TXNRD2: variants seen among roughly 807,000 people sequenced by gnomAD.
TXNRD2 encodes the protein thioredoxin reductase 2.
TXNRD2 carries 67 observed loss-of-function variants against 70.8 expected under a neutral mutation model. That is an observed-to-expected ratio of 0.95 (90% CI 0.78 to 1.16). The LOEUF is 1.16. TXNRD2 is among the 50% of genes most tolerant of loss of function. The pLI is 0.00. For synonymous variants in TXNRD2, 301 were observed against 295.8 expected (o/e 1.02, Z -0.18); for missense variants, 644 against 719.9 (o/e 0.89, Z 1.21).
chr22:19,916,129 T>C (rs1463594912), intron 5 of TXNRD2: 1 of 411,378 alleles, frequency 2.4e-6, no homozygotes, highest in Non-Finnish European at 4.6e-6. Context: ...ACAGCCCTGG[T>C]GTGCAGCAAG....
intron 5 of TXNRD2, chr22:19,916,123 C>T: frequency 2.4e-6 from 1 of 418,720 alleles, no homozygotes; most frequent in Non-Finnish European, 4.5e-6. Context: ...CCACGTACAG[C>T]CCTGGTGTGC....
At chr22:19,894,816 C>T (rs1231681376) in intron 11 of TXNRD2, 6 of 378,688 alleles carry the variant, frequency 1.6e-5, no homozygotes, top group Admixed American at 4.3e-5. Context: ...GGTGAAACCC[C>T]GTCTCTACTA....
intron 11 of TXNRD2, chr22:19,893,952 G>A (rs1046626416): frequency 4.6e-5 from 7 of 152,142 alleles, no homozygotes; most frequent in South Asian, 2.1e-4. Context: ...GAAAACAGGC[G>A]GCTTGTGCAC....
Position 19,899,149 on chromosome 22 carries a change from C to G in TXNRD2, c.663-81G>C. 3 of 1,583,928 alleles carry G rather than the reference C, an allele frequency of 1.9e-6. No homozygotes were observed. The South Asian group carries it at 3.3e-5, about 18-fold the overall frequency. On this transcript the variant is annotated intron_variant, in intron 8 of 17. Coordinates refer to ENST00000400521, the MANE Select transcript of TXNRD2 (RefSeq NM_006440.5). ...TGCAGTCAGAGCAGAACCCCGCAGC[C>G]TTTGCCCAGGCCCTTGGTCAGCTCG...
At chr22:19,920,833 C>A (rs11089320) in intron 2 of TXNRD2, among the ~76,000 whole-genome samples, 2 of 151,948 alleles carry the variant, frequency 1.3e-5, no homozygotes, top group South Asian at 2.1e-4. Context: ...CTGGGTGCAG[C>A]GGCTCATGCC....
intron 2 of TXNRD2, among the ~76,000 whole-genome samples, chr22:19,927,987 C>T (rs1356002205): frequency 1.3e-5 from 2 of 151,922 alleles, no homozygotes; most frequent in East Asian, 3.9e-4. Flanking sequence ...AAACCACAGG[C>T]CAGGCACCGT....
rs1024977850 is a variant in TXNRD2, at chr22:19,883,265, C to T, written c.1086+60G>A. The T allele has an allele frequency of 4.8e-5, 76 of 1,592,378 alleles. No individual in the cohort carries two copies. In the East Asian group the frequency reaches 6.3e-4, roughly 13 times the overall value. ...CAGGACGGCAGCAGCCGGAGCCCAGCGAGCAGGGGTGGTGGAGCAGGCAGG... is the reference window on the plus strand; with the variant it reads ...CAGGACGGCAGCAGCCGGAGCCCAGTGAGCAGGGGTGGTGGAGCAGGCAGG... On this transcript the variant is annotated intron_variant, in intron 12 of 17. Transcript: ENST00000400521.
intron 2 of TXNRD2, 86 bp from the exon 3 acceptor site, chr22:19,919,685 A>C: frequency 3.2e-6 from 4 of 1,257,258 alleles, no homozygotes; most frequent in Non-Finnish European, 4.4e-6. Flanking sequence ...TGTGAGGTCC[A>C]GAAGAGTGTG....
chr22:19,922,847 C>T (rs1418196056), intron 2 of TXNRD2, among the ~76,000 whole-genome samples: 4 of 152,102 alleles, frequency 2.6e-5, no homozygotes, highest in African/African-American at 7.2e-5. Flanking sequence ...CCACCATGCC[C>T]GGCCAATTTT....
chr22:19,919,125 A>G, intron 3 of TXNRD2, 121 bp from the exon 4 acceptor site: 2 of 907,802 alleles, frequency 2.2e-6, no homozygotes, highest in Non-Finnish European at 3.4e-6. Flanking sequence ...AGACCAGCTG[A>G]CATGCCACAC....
chr22:19,896,303 AAAAAAAAAGAAAG>A (rs1939506290), intron 10 of TXNRD2, among the ~76,000 whole-genome samples: 1 of 145,268 alleles, frequency 6.9e-6, no homozygotes, highest in South Asian at 2.1e-4. Context: ...GTCTCAAACC[AAAAAAAAAGAAAG>A]AAAAAAAAGA....
chr22:19,897,944 T>C, intron 10 of TXNRD2, 95 bp downstream of exon 10: 1 of 953,316 alleles, frequency 1.0e-6, no homozygotes. Context: ...CAGGCATCAC[T>C]CGTGGCCCAT....
At chr22:19,880,901 CTAGGTAGG>C in intron 12 of TXNRD2, 184 bp from the exon 13 acceptor site, 1 of 602,230 alleles carries the variant, frequency 1.7e-6, no homozygotes, top group Non-Finnish European at 3.0e-6. Context: ...TCCCAAGGAC[CTAGGTAGG>C]TTGCTCATTC....
At chr22:19,931,745 C>T (rs1283788737) in intron 1 of TXNRD2, among the ~76,000 whole-genome samples, 1 of 152,102 alleles carries the variant, frequency 6.6e-6, no homozygotes, top group Non-Finnish European at 1.5e-5. Context: ...TCAAGCAATC[C>T]TTCCACCTTG....
At chr22:19,889,213 G>GT (rs1011566465) in intron 11 of TXNRD2, among the ~76,000 whole-genome samples, 2 of 152,290 alleles carry the variant, frequency 1.3e-5, no homozygotes, top group African/African-American at 4.8e-5. Flanking sequence ...ATTATGATGT[G>GT]TAAGACCCCA....
chr22:19,887,628 AACTTGTT>A (rs1234516199), intron 11 of TXNRD2: 10 of 152,306 alleles, frequency 6.6e-5, no homozygotes, highest in African/African-American at 2.4e-4. Context: ...CTGAGACTGG[AACTTGTT>A]AGCCTGGGCC....
rs368058499 is a variant in TXNRD2, at chr22:19,923,679, G to A, written c.173-4080C>T. 3.9e-4 allele frequency among the ~76,000 whole-genome samples: 60 copies of A among 152,210 alleles called. 1 individual carries two copies. In the South Asian group the frequency reaches 0.012, roughly 30 times the overall value. On this transcript the variant is annotated intron_variant, in intron 2 of 17. Transcript: ENST00000400521. ...TAGCCAGGTGTGGTGGTGGGCGCCTGTAATCCCAGCTACTCGGGAGGCTGA... is the reference window on the plus strand; with the variant it reads ...TAGCCAGGTGTGGTGGTGGGCGCCTATAATCCCAGCTACTCGGGAGGCTGA...
Position 19,909,871 on chromosome 22 carries a change from C to CACTCACACACACAACCATACACACCCT in TXNRD2, c.662+1505_662+1506insAGGGTGTGTATGGTTGTGTGTGTGAGT, listed in dbSNP as rs749550230. Among the ~76,000 whole-genome samples, 3 of 55,654 alleles carry CACTCACACACACAACCATACACACCCT rather than the reference C, an allele frequency of 5.4e-5. No individual in the cohort carries two copies. The Admixed American group carries it at 5.5e-4, about 10-fold the overall frequency. 36.5% of individuals were successfully genotyped at this position (55,654 alleles called of 152,430 possible). On this transcript the variant is annotated intron_variant, in intron 8 of 17. Transcript: ENST00000400521. The stretch of plus-strand genomic sequence containing the variant: ...CTTCACACACACACCACACACACAC[C>CACTCACACACACAACCATACACACCCT]ACTCACACACACCACTCACACACAC...
At chr22:19,899,519 G>T (rs947915984) in intron 8 of TXNRD2, among the ~76,000 whole-genome samples, 1 of 152,234 alleles carries the variant, frequency 6.6e-6, no homozygotes, top group Non-Finnish European at 1.5e-5. Flanking sequence ...TGTGCCAGAG[G>T]CACATCCAAC....
Sources: gnomAD v4.1 joint callset for allele counts (sites outside exome capture counted in the v4.1 genomes callset) on GRCh38, gnomAD v4.1.1 for gene constraint, MANE v1.5 for transcripts, NCBI Gene and HGNC (gene_info 2026-07-23, HGNC 2026-07-21) for gene names.